The following P2RY12 variants were observed in gnomAD, a reference collection of about 807,000 sequenced individuals.
P2RY12 encodes P2Y purinoceptor 12.
A neutral mutation model predicts 4.5 loss-of-function variants in P2RY12; 3 were observed. The ratio of observed to expected loss-of-function variants is 0.67; its 90% CI spans 0.31 to 1.74. P2RY12 has a LOEUF of 1.74. P2RY12 is among the 40% of genes most tolerant of loss of function. P2RY12 has a pLI of 0.09. For missense variants in P2RY12, 356 were observed against 407.8 expected, an observed-to-expected ratio of 0.87 and a Z score of 1.09; for synonymous variants, 148 against 154.1, an observed-to-expected ratio of 0.96 and a Z score of 0.29.
chr3:151,364,491 T>C (rs1477504838), intron 1 of P2RY12, among the ~76,000 whole-genome samples: 4 of 152,194 alleles, frequency 2.6e-5, no homozygotes, highest in Non-Finnish European at 4.4e-5. Context: ...TTTTCACAGC[T>C]GTGCCATAGT....
intron 1 of P2RY12, chr3:151,369,313 TAAAGC>T (rs1755887904): frequency 1.8e-6 from 1 of 561,178 alleles, no homozygotes; most frequent in Non-Finnish European, 3.2e-6. Flanking sequence ...AAGCATCAAT[TAAAGC>T]AAGCTAATGG....
At chr3:151,370,084 G>A (rs1402577603) in intron 1 of P2RY12, among the ~76,000 whole-genome samples, 1 of 152,074 alleles carries the variant, frequency 6.6e-6, no homozygotes, top group African/African-American at 2.4e-5. Context: ...TCAATATTAA[G>A]TTTCACAATA....
intron 1 of P2RY12, chr3:151,367,700 G>A: frequency 1.2e-6 from 2 of 1,611,610 alleles, no homozygotes; most frequent in Non-Finnish European, 1.7e-6. Flanking sequence ...TATTCTGATA[G>A]CACGACAGTG....
In P2RY12 at chr3:151,380,611, AAAAAC is replaced by A. The variant is rs1419153641; in HGVS notation, c.-180+4076_-180+4080del. Among the ~76,000 whole-genome samples, 4 of 152,040 alleles carry A rather than the reference AAAAAC, an allele frequency of 2.6e-5. No homozygotes were observed. The East Asian group carries it at 7.7e-4, about 29-fold the overall frequency. Reference sequence around the variant, plus strand: ...AAACTCTGTCTCAAAAAAAAAAAAAAAAAACAACTAGTAAGGTTACAAAATGTTTT... The same window carrying A: ...AAACTCTGTCTCAAAAAAAAAAAAAAAACTAGTAAGGTTACAAAATGTTTT... On this transcript the variant is annotated intron_variant, in intron 1 of 2. Transcript: ENST00000302632.
intron 1 of P2RY12, among the ~76,000 whole-genome samples, chr3:151,351,341 T>G (rs1228953053): frequency 1.3e-5 from 2 of 152,332 alleles, no homozygotes; most frequent in African/African-American, 4.8e-5. Flanking sequence ...TCAGAGGTGA[T>G]AGTCCTCAGA....
chr3:151,378,368 C>G (rs1016059401), intron 1 of P2RY12, among the ~76,000 whole-genome samples: 1 of 152,120 alleles, frequency 6.6e-6, no homozygotes, highest in Non-Finnish European at 1.5e-5. Context: ...TACATTAGTT[C>G]TCAATTCTGC....
Position 151,343,421 on chromosome 3 carries a change from G to T in P2RY12, c.-179-2661C>A, listed in dbSNP as rs542856475. 3.3e-5 allele frequency among the ~76,000 whole-genome samples: 5 copies of T among 152,246 alleles called. No individual in the cohort carries two copies. In the East Asian group the frequency reaches 9.6e-4, roughly 29 times the overall value. ...TCTAAATTAACTTTATTTTTCCTCT[G>T]ATTTTTAACTCACAACCACATACCT... is the stretch of plus-strand genomic sequence containing the variant. On this transcript the variant is annotated intron_variant, in intron 1 of 2. Transcript: ENST00000302632.
At chr3:151,358,829 A>G (rs140664079) in intron 1 of P2RY12, among the ~76,000 whole-genome samples, 29 of 152,316 alleles carry the variant, frequency 1.9e-4, no homozygotes, top group African/African-American at 6.3e-4. Flanking sequence ...AGTTGAGGAA[A>G]CACTGACTAC....
chr3:151,338,038 A>G lies in P2RY12; in HGVS notation c.808T>C (p.Cys270Arg), dbSNP rs758537011. The G allele has an allele frequency of 4.4e-5, 71 of 1,614,042 alleles. No homozygotes were observed. In the South Asian group the frequency reaches 7.0e-4, roughly 16 times the overall value. ...TAGAACAGAGTATTTTCAGCAGTGCAGTCAAAGACATCCCGGGTTTGGCTC... is the reference window on the plus strand; with the variant it reads ...TAGAACAGAGTATTTTCAGCAGTGCGGTCAAAGACATCCCGGGTTTGGCTC... Reference protein sequence around the residue: ...TLSQTRDVFDCTAENTLFYVK... With the variant: ...TLSQTRDVFDRTAENTLFYVK... The change falls in exon 3 of 3, where the codon TGC (cysteine) becomes CGC (arginine). Residue 270 changes from cysteine (C) to arginine (R), a missense_variant. Coordinates refer to ENST00000302632, the MANE Select transcript of P2RY12 (RefSeq NM_022788.5).
chr3:151,384,061 A>C, intron 1 of P2RY12: 1 of 1,602,594 alleles, frequency 6.2e-7, no homozygotes, highest in Non-Finnish European at 8.5e-7. Context: ...TTTAAGATGA[A>C]AATAATTATT....
intron 1 of P2RY12, among the ~76,000 whole-genome samples, chr3:151,381,781 C>T (rs901292611): frequency 7.2e-5 from 11 of 152,114 alleles, no homozygotes; most frequent in African/African-American, 2.4e-4. Flanking sequence ...TACCTTGCCC[C>T]CTTAAGCCAG....
At chr3:151,375,706 T>G (rs1284907772) in intron 1 of P2RY12, among the ~76,000 whole-genome samples, 4 of 152,094 alleles carry the variant, frequency 2.6e-5, no homozygotes, top group Non-Finnish European at 5.9e-5. Context: ...ATATAGCAAG[T>G]TAGAAAAAAC....
intron 1 of P2RY12, among the ~76,000 whole-genome samples, chr3:151,353,985 C>T (rs1399571349): frequency 2.9e-5 from 4 of 139,232 alleles, no homozygotes; most frequent in Non-Finnish European, 6.1e-5. Context: ...ACTAAAAATA[C>T]AAAAAATTAG....
chr3:151,355,812 G>T, intron 1 of P2RY12: 7 of 1,259,684 alleles, frequency 5.6e-6, no homozygotes, highest in Non-Finnish European at 7.6e-6. Context: ...AGATTCAACT[G>T]TCTTAAAAAG....
intron 2 of P2RY12, 121 bp from the exon 3 acceptor site, chr3:151,338,980 G>T (rs1348616916): frequency 1.8e-5 from 14 of 795,530 alleles, no homozygotes; most frequent in Non-Finnish European, 2.8e-5. Context: ...CATCTTCATT[G>T]TAGTAGTTAG....
At chr3:151,380,552 G>C (rs984710102) in intron 1 of P2RY12, among the ~76,000 whole-genome samples, 1 of 149,384 alleles carries the variant, frequency 6.7e-6, no homozygotes, top group East Asian at 2.0e-4. Context: ...AGCTGAGATC[G>C]CGCCATTGCA....
chr3:151,343,339 C>T (rs1160760974), intron 1 of P2RY12, among the ~76,000 whole-genome samples: 2 of 152,094 alleles, frequency 1.3e-5, no homozygotes, highest in African/African-American at 2.4e-5. Context: ...ATTTCTAAAC[C>T]TCTAGAAGGG....
At chr3:151,348,606 C>G (rs1488903140) in intron 1 of P2RY12, among the ~76,000 whole-genome samples, 1 of 151,162 alleles carries the variant, frequency 6.6e-6, no homozygotes, top group Non-Finnish European at 1.5e-5. Context: ...ATTTGAACAC[C>G]TGAAACATTA....
chr3:151,345,865 T>G (rs1384200317), intron 1 of P2RY12, among the ~76,000 whole-genome samples: 1 of 152,132 alleles, frequency 6.6e-6, no homozygotes, highest in South Asian at 2.1e-4. Context: ...TCTTGTAGGC[T>G]CTTGAAAAAT....
Sources: allele counts gnomAD v4.1 joint callset (sites outside exome capture counted in the v4.1 genomes callset), GRCh38; gene constraint gnomAD v4.1.1; transcripts MANE v1.5; gene names NCBI Gene and HGNC (gene_info 2026-07-23, HGNC 2026-07-21).